The following CARMIL1 variants were observed in gnomAD, a reference collection of about 807,000 sequenced individuals.
CARMIL1 encodes F-actin-uncapping protein LRRC16A.
CARMIL1 carries 90 observed loss-of-function variants against 177.1 expected under a neutral mutation model. The ratio of observed to expected loss-of-function variants is 0.51; its 90% CI spans 0.43 to 0.61. The LOEUF is 0.61. CARMIL1 is among the 20% of genes least tolerant of loss of function. The pLI is 0.00. For synonymous variants in CARMIL1, 577 were observed against 606.2 expected (o/e 0.95, Z 0.71); for missense variants, 1,380 against 1,667.0 (o/e 0.83, Z 3.00).
At chr6:25,403,318 T>C (rs1050156155) in intron 2 of CARMIL1, among the ~76,000 whole-genome samples, 1 of 152,190 alleles carries the variant, frequency 6.6e-6, no homozygotes, top group Non-Finnish European at 1.5e-5. Context: ...TCAGCACTCC[T>C]GCTAACCTCT....
chr6:25,579,976 C>T (rs1201250936), intron 29 of CARMIL1, among the ~76,000 whole-genome samples: 1 of 152,076 alleles, frequency 6.6e-6, no homozygotes, highest in Non-Finnish European at 1.5e-5. Context: ...AGTTATGTTA[C>T]CTCTTAGTTT....
intron 8 of CARMIL1, among the ~76,000 whole-genome samples, chr6:25,460,417 C>T (rs954194149): frequency 5.3e-5 from 8 of 152,134 alleles, no homozygotes; most frequent in Non-Finnish European, 1.2e-4. Context: ...TTGTTTGTCC[C>T]ATGCAGGCCT....
Position 25,353,293 on chromosome 6 carries a change from AT to A in CARMIL1, c.139-66820del, listed in dbSNP as rs1788286231. Among the ~76,000 whole-genome samples the A allele has an allele frequency of 2.0e-5, 3 of 152,180 alleles. No individual in the cohort carries two copies. The South Asian group carries it at 6.2e-4, about 32-fold the overall frequency. On this transcript the variant is annotated intron_variant, in intron 2 of 36. Coordinates refer to ENST00000329474, the MANE Select transcript of CARMIL1 (RefSeq NM_017640.6). The stretch of plus-strand genomic sequence containing the variant: ...TTGAGTCTCAACAATCCTAGGAGAG[AT>A]GTGTTATTATCCCTATTATTCAGAT...
At chr6:25,327,684 A>G (rs1785254569) in intron 2 of CARMIL1, among the ~76,000 whole-genome samples, 1 of 152,330 alleles carries the variant, frequency 6.6e-6, no homozygotes, top group African/African-American at 2.4e-5. Flanking sequence ...GCAACATTCA[A>G]GATTAAAAAA....
intron 30 of CARMIL1, 63 bp from the exon 31 acceptor site, chr6:25,581,180 C>T (rs959952670): frequency 6.8e-7 from 1 of 1,468,026 alleles, no homozygotes; most frequent in Non-Finnish European, 9.3e-7. Flanking sequence ...AATTTTTTAT[C>T]CATCTCTATG....
intron 2 of CARMIL1, among the ~76,000 whole-genome samples, chr6:25,298,349 ATGTTTTCTCT>A (rs2150164474): frequency 6.6e-6 from 1 of 152,304 alleles, no homozygotes; most frequent in African/African-American, 2.4e-5. Flanking sequence ...ACATGTTGTT[ATGTTTTCTCT>A]GCTCAGAGCT....
intron 2 of CARMIL1, among the ~76,000 whole-genome samples, chr6:25,370,758 GATATAT>G (rs970952608): frequency 6.6e-6 from 1 of 151,502 alleles, no homozygotes; most frequent in African/African-American, 2.4e-5. Flanking sequence ...TTTTTTAGTT[GATATAT>G]ATATATGTAA....
intron 9 of CARMIL1, among the ~76,000 whole-genome samples, chr6:25,468,887 C>T (rs1179228198): frequency 1.3e-5 from 2 of 152,086 alleles, no homozygotes; most frequent in African/African-American, 2.4e-5. Context: ...ATTACTTTTC[C>T]GGGTGCACTG....
intron 2 of CARMIL1, among the ~76,000 whole-genome samples, chr6:25,366,357 C>A (rs2150412750): frequency 6.6e-6 from 1 of 152,088 alleles, no homozygotes; most frequent in Admixed American, 6.5e-5. Flanking sequence ...GATTTCCATG[C>A]AGTTTGGGGC....
intron 2 of CARMIL1, among the ~76,000 whole-genome samples, chr6:25,298,996 C>T (rs529383374): frequency 1.3e-5 from 2 of 152,044 alleles, no homozygotes; most frequent in Admixed American, 6.6e-5. Context: ...AGGTGATCTG[C>T]CCGCCTCAGC....
At chr6:25,498,887 A>T (rs916843721) in intron 16 of CARMIL1, among the ~76,000 whole-genome samples, 2 of 152,248 alleles carry the variant, frequency 1.3e-5, no homozygotes, top group African/African-American at 4.8e-5. Context: ...GAACAAGTAC[A>T]CAGATGAGAT....
At chr6:25,462,431 C>T (rs931338761) in intron 8 of CARMIL1, among the ~76,000 whole-genome samples, 3 of 152,140 alleles carry the variant, frequency 2.0e-5, no homozygotes, top group Admixed American at 1.3e-4. Flanking sequence ...TGTGTTATAG[C>T]TGCTTTTCCT....
chr6:25,455,046 A>G (rs1383797001), intron 8 of CARMIL1, among the ~76,000 whole-genome samples: 2 of 152,226 alleles, frequency 1.3e-5, no homozygotes, highest in Non-Finnish European at 2.9e-5. Context: ...TCTCATATGT[A>G]TACATGAATT....
At chr6:25,467,608 G>A (rs1800733847) in intron 9 of CARMIL1, among the ~76,000 whole-genome samples, 1 of 152,084 alleles carries the variant, frequency 6.6e-6, no homozygotes. Flanking sequence ...CCTTTCAGCT[G>A]CCTTAGATGT....
At chr6:25,573,011 A>G (rs1812244459) in intron 29 of CARMIL1, among the ~76,000 whole-genome samples, 2 of 152,162 alleles carry the variant, frequency 1.3e-5, no homozygotes, top group East Asian at 1.9e-4. Flanking sequence ...TCATTCAAAC[A>G]CACACTTCTT....
intron 5 of CARMIL1, among the ~76,000 whole-genome samples, chr6:25,441,085 C>T (rs1188572495): frequency 6.6e-6 from 1 of 152,026 alleles, no homozygotes; most frequent in African/African-American, 2.4e-5. Flanking sequence ...AAATAACATC[C>T]ATCATTCAAA....
At chr6:25,392,629 G>A (rs1485959608) in intron 2 of CARMIL1, among the ~76,000 whole-genome samples, 1 of 151,998 alleles carries the variant, frequency 6.6e-6, no homozygotes, top group African/African-American at 2.4e-5. Context: ...TGAACATTTC[G>A]CCTTTCATGT....
intron 2 of CARMIL1, among the ~76,000 whole-genome samples, chr6:25,337,027 T>C (rs1393351466): frequency 6.6e-6 from 1 of 152,228 alleles, no homozygotes; most frequent in African/African-American, 2.4e-5. Context: ...ATATTGTGTT[T>C]AAACTATATG....
At chr6:25,564,774 A>AT (rs1811412409) in intron 29 of CARMIL1, among the ~76,000 whole-genome samples, 3 of 152,084 alleles carry the variant, frequency 2.0e-5, no homozygotes, top group Admixed American at 2.0e-4. Context: ...GTCTTTACTC[A>AT]TTAAAAAAAA....
Sources: gnomAD v4.1 joint callset for allele counts (sites outside exome capture counted in the v4.1 genomes callset) on GRCh38, gnomAD v4.1.1 for gene constraint, MANE v1.5 for transcripts, NCBI Gene and HGNC (gene_info 2026-07-23, HGNC 2026-07-21) for gene names.